The following SEMA5A variants were observed in gnomAD, a reference collection of about 807,000 sequenced individuals.
SEMA5A encodes semaphorin-5A.
SEMA5A carries 55 observed loss-of-function variants against 135.5 expected under a neutral mutation model. The ratio of observed to expected loss-of-function variants is 0.41; its 90% CI spans 0.33 to 0.51. The LOEUF is 0.51. Among genes scored for constraint, SEMA5A ranks in the 20% least tolerant of loss-of-function variants. SEMA5A has a pLI of 0.37. For synonymous variants in SEMA5A, 580 were observed against 546.5 expected, an observed-to-expected ratio of 1.06 and a Z score of -0.85; for missense variants, 1,290 against 1,419.9, an observed-to-expected ratio of 0.91 and a Z score of 1.47.
rs140526168 is a variant in SEMA5A at position 9,044,027 on chromosome 5, G to T, written c.3105+346C>A. 4.9e-4 allele frequency among the ~76,000 whole-genome samples: 75 copies of T among 152,258 alleles called. No individual in the cohort carries two copies. The East Asian group carries it at 0.012, about 24-fold the overall frequency. On this transcript the variant is annotated intron_variant, in intron 22 of 22. Transcript: ENST00000382496. ...CAGGAGGGGCGTGTTATTAATTCCTGGTGCTTCATTCCCCAGATCTACCAT... is the reference window on the plus strand; with the variant it reads ...CAGGAGGGGCGTGTTATTAATTCCTTGTGCTTCATTCCCCAGATCTACCAT...
chr5:9,355,763 G>A (rs995192584), intron 3 of SEMA5A, among the ~76,000 whole-genome samples: 2 of 152,068 alleles, frequency 1.3e-5, no homozygotes, highest in Admixed American at 6.5e-5. Flanking sequence ...AACGACAGAA[G>A]GAGAAGAAAA....
intron 9 of SEMA5A, among the ~76,000 whole-genome samples, chr5:9,198,889 G>T (rs568844413): frequency 8.6e-5 from 13 of 151,992 alleles, no homozygotes; most frequent in Non-Finnish European, 1.5e-4. Flanking sequence ...GGCAAATGGG[G>T]GATATTACGA....
At chr5:9,328,866 G>C (rs1211123671) in intron 4 of SEMA5A, among the ~76,000 whole-genome samples, 2 of 151,710 alleles carry the variant, frequency 1.3e-5, no homozygotes, top group East Asian at 3.9e-4. Flanking sequence ...ACTCTTGAAA[G>C]GCCTGTCAGG....
intron 11 of SEMA5A, among the ~76,000 whole-genome samples, chr5:9,183,470 G>T (rs1030980526): frequency 2.0e-5 from 3 of 152,158 alleles, no homozygotes; most frequent in Non-Finnish European, 4.4e-5. Context: ...CAGCAACAGC[G>T]CCACAGACGC....
At chr5:9,046,547 G>C (rs1177149683) in intron 21 of SEMA5A, among the ~76,000 whole-genome samples, 1 of 152,178 alleles carries the variant, frequency 6.6e-6, no homozygotes, top group Non-Finnish European at 1.5e-5. Context: ...AGGTCTACGG[G>C]GCTCTGTTTG....
At chr5:9,347,251 A>C (rs1399478370) in intron 3 of SEMA5A, among the ~76,000 whole-genome samples, 4 of 152,224 alleles carry the variant, frequency 2.6e-5, no homozygotes, top group Non-Finnish European at 1.5e-5. Context: ...GTCTGTTGAA[A>C]GTGAGTCAAG....
At chr5:9,462,972 TTAAAA>T (rs1166609316) in intron 1 of SEMA5A, among the ~76,000 whole-genome samples, 3 of 144,214 alleles carry the variant, frequency 2.1e-5, no homozygotes, top group Admixed American at 7.1e-5. Context: ...ATCCCTGAAC[TTAAAA>T]TAAAAGTTAA....
intron 2 of SEMA5A, among the ~76,000 whole-genome samples, chr5:9,399,732 T>C (rs1261748337): frequency 1.3e-5 from 2 of 151,980 alleles, no homozygotes; most frequent in African/African-American, 4.8e-5. Context: ...AAGATTAGGG[T>C]GTGGCTGATG....
Position 9,525,979 on chromosome 5 carries a change from T to C in SEMA5A, c.-175+19605A>G, listed in dbSNP as rs186484991. The stretch of plus-strand genomic sequence containing the variant: ...GATAAAGGATAATTACTCCAATGAT[T>C]GCAGTAATTACACTTTAAAGATTTA... On this transcript the variant is annotated intron_variant, in intron 1 of 22. Coordinates refer to ENST00000382496, the MANE Select transcript of SEMA5A (RefSeq NM_003966.3). Among the ~76,000 whole-genome samples the C allele has an allele frequency of 1.6e-3, 245 of 152,336 alleles. No individual in the cohort carries two copies. In the Middle Eastern group the frequency reaches 0.02, roughly 13 times the overall value.
At chr5:9,287,849 A>G (rs1237978063) in intron 5 of SEMA5A, among the ~76,000 whole-genome samples, 1 of 152,142 alleles carries the variant, frequency 6.6e-6, no homozygotes, top group Admixed American at 6.6e-5. Flanking sequence ...ATTATGGCAA[A>G]GTAACTTAAA....
chr5:9,181,163 C>T (rs1361050181), intron 11 of SEMA5A, among the ~76,000 whole-genome samples: 5 of 152,114 alleles, frequency 3.3e-5, no homozygotes, highest in South Asian at 4.1e-4. Context: ...GACCTCTGCC[C>T]CCAACCCTTG....
chr5:9,401,031 C>T (rs973885094), intron 2 of SEMA5A, among the ~76,000 whole-genome samples: 3 of 152,042 alleles, frequency 2.0e-5, no homozygotes, highest in African/African-American at 7.2e-5. Flanking sequence ...TTTTGTGTAC[C>T]CTTAGACAAC....
intron 7 of SEMA5A, 68 bp downstream of exon 7, chr5:9,226,800 TA>T: frequency 8.3e-7 from 1 of 1,209,146 alleles, no homozygotes; most frequent in Non-Finnish European, 1.2e-6. Context: ...CATTTAAAAC[TA>T]GTATTTTTAC....
intron 3 of SEMA5A, among the ~76,000 whole-genome samples, chr5:9,366,607 C>A (rs1423611921): frequency 6.6e-6 from 1 of 152,170 alleles, no homozygotes; most frequent in Non-Finnish European, 1.5e-5. Flanking sequence ...CTAGGACGGT[C>A]TCCATCTCCT....
chr5:9,309,629 A>G (rs950047986), intron 5 of SEMA5A, among the ~76,000 whole-genome samples: 5 of 152,066 alleles, frequency 3.3e-5, no homozygotes, highest in African/African-American at 1.2e-4. Flanking sequence ...GCATGGAACC[A>G]AGCCCCACAG....
In SEMA5A at chr5:9,361,198, C is replaced by T. The variant is rs144840373; in HGVS notation, c.124+18625G>A. ...CCTGTAATCCCAGCTACTCGGGAGG[C>T]TGTGGCACGAGAATCACTTGAACCC... On this transcript the variant is annotated intron_variant, in intron 3 of 22. Transcript: ENST00000382496. Among the ~76,000 whole-genome samples, 538 of 151,740 alleles carry T rather than the reference C, an allele frequency of 3.5e-3. 3 individuals carry two copies. The highest frequency in any genetic ancestry group is 0.012 in the African/African-American group (514 of 41,336).
intron 11 of SEMA5A, among the ~76,000 whole-genome samples, chr5:9,179,405 A>G (rs374374120): frequency 6.6e-6 from 1 of 152,216 alleles, no homozygotes; most frequent in East Asian, 1.9e-4. Context: ...AGCAAGGTGG[A>G]GAGGAAGCAA....
chr5:9,458,710 A>T (rs1385637716), intron 1 of SEMA5A, among the ~76,000 whole-genome samples: 4 of 152,186 alleles, frequency 2.6e-5, no homozygotes, highest in Non-Finnish European at 5.9e-5. Context: ...GTTTGCTGTA[A>T]AATGGAGCAC....
At chr5:9,080,789 C>G (rs949269667) in intron 16 of SEMA5A, among the ~76,000 whole-genome samples, 3 of 152,114 alleles carry the variant, frequency 2.0e-5, no homozygotes, top group Non-Finnish European at 4.4e-5. Context: ...CACCCTGACT[C>G]CTTCATTGTA....
Sources: gnomAD v4.1 joint callset for allele counts (sites outside exome capture counted in the v4.1 genomes callset) on GRCh38, gnomAD v4.1.1 for gene constraint, MANE v1.5 for transcripts, NCBI Gene and HGNC (gene_info 2026-07-23, HGNC 2026-07-21) for gene names.